The following S100Z variants were observed in gnomAD, a reference collection of about 807,000 sequenced individuals.
The protein encoded by S100Z is S100 calcium binding protein Z.
A neutral mutation model predicts 8.5 loss-of-function variants in S100Z; 11 were observed. The ratio of observed to expected loss-of-function variants is 1.30; its 90% CI spans 0.82 to 2.15. S100Z has a LOEUF of 2.15. Among genes scored for constraint, S100Z ranks in the 30% most tolerant of loss-of-function variants. S100Z has a pLI of 0.00. For synonymous variants in S100Z, 34 were observed against 43.8 expected (o/e 0.78, Z 0.89); for missense variants, 126 against 117.9 (o/e 1.07, Z -0.32).
chr5:76,915,611 G>A (rs1334305717), intron 4 of S100Z, among the ~76,000 whole-genome samples: 3 of 150,354 alleles, frequency 2.0e-5, no homozygotes, highest in East Asian at 2.0e-4. Context: ...CCGTCTCAAA[G>A]AAAATAAATA....
chr5:76,873,453 G>A (rs529834121), intron 2 of S100Z, among the ~76,000 whole-genome samples: 2 of 151,978 alleles, frequency 1.3e-5, no homozygotes, highest in Admixed American at 1.3e-4. Context: ...GACTACAGGC[G>A]TGCACCACCA....
chr5:76,927,089 A>G, the S100Z span, among the ~76,000 whole-genome samples: 4 of 152,224 alleles, frequency 2.6e-5, no homozygotes, highest in Admixed American at 6.5e-5. Context: ...TAATAGTAGT[A>G]ACATAAGACA....
At chr5:76,850,575 G>A (rs780044326) in intron 1 of S100Z, among the ~76,000 whole-genome samples, 3 of 152,150 alleles carry the variant, frequency 2.0e-5, no homozygotes, top group Non-Finnish European at 2.9e-5. Context: ...GATCCACGCC[G>A]TGATTTCGCT....
chr5:76,909,313 A>G (rs937675351), intron 4 of S100Z, among the ~76,000 whole-genome samples: 1 of 152,184 alleles, frequency 6.6e-6, no homozygotes, highest in Non-Finnish European at 1.5e-5. Context: ...ACCCTGAAAA[A>G]GAGGCAGCTC....
intron 4 of S100Z, among the ~76,000 whole-genome samples, chr5:76,894,218 G>A (rs1189194137): frequency 1.3e-5 from 2 of 152,166 alleles, no homozygotes; most frequent in Non-Finnish European, 2.9e-5. Flanking sequence ...CTTCTCTGTT[G>A]ATCCCAGGTC....
At chr5:76,860,894 T>C (rs944582861) in intron 1 of S100Z, among the ~76,000 whole-genome samples, 1 of 152,242 alleles carries the variant, frequency 6.6e-6, no homozygotes, top group Non-Finnish European at 1.5e-5. Context: ...TATTAATTTC[T>C]GGAACATTCT....
At chr5:76,857,587 C>T (rs1051045657) in intron 1 of S100Z, among the ~76,000 whole-genome samples, 1 of 151,454 alleles carries the variant, frequency 6.6e-6, no homozygotes, top group African/African-American at 2.4e-5. Flanking sequence ...GCAAACTCCA[C>T]CTCCCGGTTC....
At chr5:76,859,364 T>G (rs1750981339) in intron 1 of S100Z, among the ~76,000 whole-genome samples, 1 of 152,106 alleles carries the variant, frequency 6.6e-6, no homozygotes, top group African/African-American at 2.4e-5. Context: ...GTTAGCACAT[T>G]GAAAACAAGA....
chr5:76,885,612 T>C (rs34895584), intron 4 of S100Z, among the ~76,000 whole-genome samples: 14,185 of 28,104 alleles, frequency 0.5, 4,315 homozygotes, highest in Admixed American at 0.63. Flanking sequence ...AAAGTGGGAA[T>C]GGGGTGGGAG....
chr5:76,914,379 C>CACCAATTAGCACTCTGTAAAAACGG (rs1744781985), intron 4 of S100Z, among the ~76,000 whole-genome samples: 2 of 129,982 alleles, frequency 1.5e-5, no homozygotes, highest in Non-Finnish European at 3.2e-5. Flanking sequence ...TTTGTAAACA[C>CACCAATTAGCACTCTGTAAAAACGG]ACCAATCAGC....
intron 3 of S100Z, among the ~76,000 whole-genome samples, chr5:76,876,682 C>G (rs1050618645): frequency 2.6e-5 from 4 of 152,158 alleles, no homozygotes; most frequent in Admixed American, 1.3e-4. Flanking sequence ...ACTTTGGCTA[C>G]TGTACTGTTT....
At chr5:76,866,565 G>A (rs891698859) in intron 1 of S100Z, among the ~76,000 whole-genome samples, 2 of 152,020 alleles carry the variant, frequency 1.3e-5, no homozygotes, top group Non-Finnish European at 2.9e-5. Flanking sequence ...GTCCTATAAA[G>A]GTGTACTATT....
At chr5:76,856,887 G>A (rs1422423616) in intron 1 of S100Z, among the ~76,000 whole-genome samples, 1 of 152,198 alleles carries the variant, frequency 6.6e-6, no homozygotes, top group East Asian at 1.9e-4. Flanking sequence ...GGTTGACTAT[G>A]TAGAGCTCTG....
chr5:76,879,537 C>G (rs554693062), intron 4 of S100Z, among the ~76,000 whole-genome samples: 1 of 152,198 alleles, frequency 6.6e-6, no homozygotes, highest in African/African-American at 2.4e-5. Flanking sequence ...TATTGGACAT[C>G]CAGGTGGAGA....
intron 4 of S100Z, among the ~76,000 whole-genome samples, chr5:76,908,802 A>G (rs1744545283): frequency 6.6e-6 from 1 of 152,192 alleles, no homozygotes; most frequent in East Asian, 1.9e-4. Context: ...GAGGCATAAT[A>G]TCTTTATAGG....
chr5:76,901,704 G>A (rs1744238519), intron 4 of S100Z, among the ~76,000 whole-genome samples: 1 of 152,158 alleles, frequency 6.6e-6, no homozygotes, highest in South Asian at 2.1e-4. Flanking sequence ...GAACCCTCAT[G>A]GTGCTCTATT....
intron 1 of S100Z, among the ~76,000 whole-genome samples, chr5:76,858,522 CA>C (rs33932900): frequency 0.2 from 26,166 of 131,304 alleles, 4,653 homozygotes; most frequent in African/African-American, 0.49. Flanking sequence ...GACCCTGTCT[CA>C]AAAAAAAAAA....
intron 4 of S100Z, among the ~76,000 whole-genome samples, chr5:76,889,894 T>A (rs1180354988): frequency 6.6e-6 from 1 of 152,264 alleles, no homozygotes; most frequent in Non-Finnish European, 1.5e-5. Context: ...CATTTTCTCA[T>A]TGTGGTTATT....
chr5:76,869,238 C>T (rs12152714), intron 1 of S100Z, among the ~76,000 whole-genome samples: 68,414 of 151,362 alleles, frequency 0.45, 15,881 homozygotes, highest in East Asian at 0.67. Flanking sequence ...GGGGAACATA[C>T]GGCAGACAAA....
Sources: allele counts gnomAD v4.1 joint callset (sites outside exome capture counted in the v4.1 genomes callset), GRCh38; gene constraint gnomAD v4.1.1; transcripts MANE v1.5; gene names NCBI Gene and HGNC (gene_info 2026-07-23, HGNC 2026-07-21).